NOS2: variants seen among roughly 807,000 people sequenced by gnomAD.
NOS2 encodes the protein nitric oxide synthase, inducible.
NOS2 carries 96 observed loss-of-function variants against 136.0 expected under a neutral mutation model. That is an observed-to-expected ratio of 0.71 (90% CI 0.60 to 0.84). NOS2 has a LOEUF of 0.84. NOS2 is among the 40% of genes least tolerant of loss of function. The probability of loss-of-function intolerance (pLI) is 0.00; values close to 1 mark genes in which losing one functional copy is unlikely to be tolerated. For missense variants in NOS2, 1,237 were observed against 1,496.9 expected (o/e 0.83, Z 2.87); for synonymous variants, 539 against 587.5 (o/e 0.92, Z 1.20).
chr17:27,759,985 G>A (rs200638220), intron 25 of NOS2, 45 bp downstream of exon 25: 88 of 1,461,534 alleles, frequency 6.0e-5, no homozygotes, highest in Non-Finnish European at 7.9e-5. Flanking sequence ...GCTCACAGTG[G>A]AGCTTGTGTG....
intron 11 of NOS2, among the ~76,000 whole-genome samples, chr17:27,776,137 C>T (rs1020951942): frequency 2.6e-5 from 4 of 152,110 alleles, no homozygotes; most frequent in Non-Finnish European, 4.4e-5. Flanking sequence ...GGAAGGGAGA[C>T]TTGTGAGAGG....
Position 27,769,531 on chromosome 17 carries a change from T to C in NOS2, c.1859+4A>G, listed in dbSNP as rs377287148. 6.2e-7 allele frequency: 1 copy of C among 1,612,858 alleles called. No individual in the cohort carries two copies. Among genetic ancestry groups the C allele is most frequent in the African/African-American group, 1.3e-5 (1 of 74,890 alleles). On this transcript the variant is annotated splice_donor_region_variant and intron_variant, in intron 16 of 26. Coordinates refer to ENST00000313735, the MANE Select transcript of NOS2 (RefSeq NM_000625.4). Reference sequence around the variant, plus strand: ...TAGGAGTAGGACAACGGAAAAAGCTTTACCTGAATTTGTTGTTGAGCTCTT... The same window carrying C: ...TAGGAGTAGGACAACGGAAAAAGCTCTACCTGAATTTGTTGTTGAGCTCTT...
rs1260244596 is a variant in NOS2 at position 27,798,884 on chromosome 17, T to A, written c.-73-2A>T. On this transcript the variant is annotated splice_acceptor_variant, in intron 1 of 26. Coordinates refer to ENST00000313735, the MANE Select transcript of NOS2 (RefSeq NM_000625.4). LOFTEE classifies it low-confidence loss of function (5UTR_SPLICE). ...GCTCAGATGTTCTTCACTGTGGGGC[T>A]GAAGAAGGGAAGCAGAGGTGAGGGA... is the stretch of plus-strand genomic sequence containing the variant. The A allele has an allele frequency of 3.2e-6, 3 of 952,330 alleles. No homozygotes were observed. In the East Asian group the frequency reaches 7.2e-5, roughly 23 times the overall value. The allele number at this position is 952,330 out of a possible 1,614,324, so 59.0% of individuals were successfully genotyped here. A position where few individuals can be genotyped will look rare whatever the true frequency, so the allele number is the denominator to read the frequency against.
chr17:27,791,746 G>A (rs1909190768), intron 2 of NOS2, among the ~76,000 whole-genome samples: 1 of 147,784 alleles, frequency 6.8e-6, no homozygotes, highest in Admixed American at 6.8e-5. Flanking sequence ...AACACACCTG[G>A]TCTAGACTGG....
At chr17:27,770,810 C>T in intron 15 of NOS2, 103 bp downstream of exon 15, 1 of 785,322 alleles carries the variant, frequency 1.3e-6, no homozygotes, top group South Asian at 1.6e-5. Context: ...TGAGCACTGA[C>T]TCCCAAATGT....
intron 22 of NOS2, among the ~76,000 whole-genome samples, chr17:27,762,226 A>C (rs28944194): frequency 0.012 from 1,783 of 152,180 alleles, 29 homozygotes; most frequent in African/African-American, 0.04. Flanking sequence ...TTCTATGCCT[A>C]TCTCTCCACT....
rs1008877137 is a variant in NOS2 at position 27,756,771 on chromosome 17, T to G, written c.*475A>C. The G allele has an allele frequency of 1.9e-5, 3 of 154,568 alleles. No homozygotes were observed. In the Admixed American group the frequency reaches 2.0e-4, roughly 10 times the overall value. The allele number at this position is 154,568 out of a possible 1,614,324, so 9.6% of individuals were successfully genotyped here. A position where few individuals can be genotyped will look rare whatever the true frequency, so the allele number is the denominator to read the frequency against. On this transcript the variant is annotated 3_prime_UTR_variant, in exon 27 of 27. Coordinates refer to ENST00000313735, the MANE Select transcript of NOS2 (RefSeq NM_000625.4). Reference sequence around the variant, plus strand: ...ACACCCACACACGCATACAGTGTGATTAAAGTAAAATGCAATTCATGTAAA... The same window carrying G: ...ACACCCACACACGCATACAGTGTGAGTAAAGTAAAATGCAATTCATGTAAA...
intron 25 of NOS2, 57 bp downstream of exon 25, chr17:27,759,973 G>C: frequency 2.1e-6 from 3 of 1,434,090 alleles, no homozygotes; most frequent in East Asian, 2.6e-5. Flanking sequence ...TGGGGACCCA[G>C]GGCTCACAGT....
chr17:27,789,525 C>T, intron 3 of NOS2, 79 bp downstream of exon 3: 2 of 1,137,048 alleles, frequency 1.8e-6, no homozygotes, highest in Non-Finnish European at 2.7e-6. Flanking sequence ...CTCTCCAGCC[C>T]AGCTCTAACA....
At chr17:27,764,637 G>A (rs1482152186) in intron 20 of NOS2, among the ~76,000 whole-genome samples, 1 of 152,180 alleles carries the variant, frequency 6.6e-6, no homozygotes, top group Non-Finnish European at 1.5e-5. Context: ...AGAAGACACG[G>A]GTTCAAACCC....
chr17:27,791,451 G>A (rs554287240), intron 2 of NOS2, among the ~76,000 whole-genome samples: 2 of 152,250 alleles, frequency 1.3e-5, no homozygotes, highest in African/African-American at 4.8e-5. Context: ...TCCCCCAGGC[G>A]ATGTCTGATC....
intron 3 of NOS2, 87 bp from the exon 4 acceptor site, chr17:27,789,018 G>T (rs1909109555): frequency 1.3e-6 from 2 of 1,522,196 alleles, no homozygotes; most frequent in African/African-American, 2.8e-5. Context: ...GGATCTATGG[G>T]TGGCCACACA....
Position 27,783,240 on chromosome 17 carries a change from C to A in NOS2, c.468-134G>T, listed in dbSNP as rs189427641. 1.2e-4 allele frequency: 117 copies of A among 954,310 alleles called. No homozygotes were observed. In the African/African-American group the frequency reaches 1.7e-3, roughly 14 times the overall value. 59.1% of individuals were successfully genotyped at this position (954,310 alleles called of 1,614,324 possible). A position where few individuals can be genotyped will look rare whatever the true frequency, so the allele number is the denominator to read the frequency against. The stretch of plus-strand genomic sequence containing the variant: ...GCCTCTCACCAGAGACAGCTCCCTC[C>A]AGGGCTGGCTTTGGGGACCTCACAC... On this transcript the variant is annotated intron_variant, in intron 5 of 26. Coordinates refer to ENST00000313735, the MANE Select transcript of NOS2 (RefSeq NM_000625.4).
intron 11 of NOS2, among the ~76,000 whole-genome samples, chr17:27,777,513 A>G (rs1908697030): frequency 6.6e-6 from 1 of 152,184 alleles, no homozygotes; most frequent in Non-Finnish European, 1.5e-5. Flanking sequence ...AAGAGCAGCC[A>G]CAGCTCACAG....
chr17:27,764,005 T>C lies in NOS2; in HGVS notation c.2568A>G (p.Arg856=), dbSNP rs772038250. 1.8e-5 allele frequency: 29 copies of C among 1,613,516 alleles called. No homozygotes were observed. The South Asian group carries it at 2.9e-4, about 16-fold the overall frequency. The change falls in exon 21 of 27, where the codon AGA becomes AGG. Residue 856 remains arginine (R), a synonymous_variant. Transcript: ENST00000313735. ...LAQVATEEPE[R]QRLEALCQPS... is the part of the protein sequence containing the mutation. ...CCTGGCACAGGGCCTCCAGCCTCTG[T>C]CTCTCAGGCTCTTCTGTGGCCACCT...
chr17:27,780,918 G>C lies in NOS2; in HGVS notation c.865-12C>G. The C allele has an allele frequency of 6.2e-7, 1 of 1,609,016 alleles. No individual in the cohort carries two copies. The highest frequency in any genetic ancestry group is 8.5e-7 in the Non-Finnish European group (1 of 1,177,318). On this transcript the variant is annotated splice_polypyrimidine_tract_variant and intron_variant, in intron 8 of 26. Coordinates refer to ENST00000313735, the MANE Select transcript of NOS2 (RefSeq NM_000625.4). The stretch of plus-strand genomic sequence containing the variant: ...AGGTCGATGCACAGCTGGGGAACAA[G>C]ACGGGCCCTGTGAGTCTGTAAGCCC...
chr17:27,770,777 G>A, intron 15 of NOS2, 136 bp downstream of exon 15: 1 of 593,166 alleles, frequency 1.7e-6, no homozygotes. Flanking sequence ...GCCGGCAAAT[G>A]ACCTGAGTGA....
At chr17:27,791,003 T>C (rs1298302037) in intron 2 of NOS2, among the ~76,000 whole-genome samples, 1 of 152,254 alleles carries the variant, frequency 6.6e-6, no homozygotes, top group Non-Finnish European at 1.5e-5. Flanking sequence ...CATTTTCTAC[T>C]TGATATGTAT....
intron 2 of NOS2, among the ~76,000 whole-genome samples, 190 bp downstream of exon 2, chr17:27,798,510 C>T (rs922346854): frequency 2.0e-5 from 3 of 152,274 alleles, no homozygotes; most frequent in Non-Finnish European, 4.4e-5. Context: ...CTTCACATAC[C>T]GTCAGGCACA....
Sources: allele counts gnomAD v4.1 joint callset (sites outside exome capture counted in the v4.1 genomes callset), GRCh38; gene constraint gnomAD v4.1.1; transcripts MANE v1.5; gene names NCBI Gene and HGNC (gene_info 2026-07-23, HGNC 2026-07-21).